Variants in CD48 observed in about 807,000 individuals in gnomAD.
CD48 encodes CD48 molecule.
Under a neutral mutation model 22.0 loss-of-function variants are expected in CD48, and 20 were observed. That is an observed-to-expected ratio of 0.91 (90% CI 0.64 to 1.32). The LOEUF (loss-of-function observed/expected upper bound fraction) is 1.32. CD48 is among the 40% of genes most tolerant of loss of function. CD48 has a pLI of 0.00. For synonymous variants in CD48, 110 were observed against 110.1 expected, an observed-to-expected ratio of 1.00 and a Z score of 0.01; for missense variants, 307 against 286.5, an observed-to-expected ratio of 1.07 and a Z score of -0.52.
At chr1:160,699,093 G>A (rs987663660) in intron 1 of CD48, 1 of 153,056 alleles carries the variant, frequency 6.5e-6, no homozygotes, top group African/African-American at 2.4e-5. Context: ...TGTCTGTATA[G>A]AAAGAAGTAG....
chr1:160,695,050 A>G (rs890204040), intron 1 of CD48, among the ~76,000 whole-genome samples: 1 of 152,180 alleles, frequency 6.6e-6, no homozygotes, highest in Non-Finnish European at 1.5e-5. Flanking sequence ...CTCTCCAGCC[A>G]TGATCCCAAA....
At chr1:160,690,571 A>T (rs352697) in intron 1 of CD48, among the ~76,000 whole-genome samples, 75,396 of 151,964 alleles carry the variant, frequency 0.5, 19,285 homozygotes, top group East Asian at 0.73. Context: ...GTCATTAAAG[A>T]CACCAAACAG....
chr1:160,681,705 C>T (rs757573471), intron 2 of CD48, among the ~76,000 whole-genome samples: 2 of 152,092 alleles, frequency 1.3e-5, no homozygotes, highest in Non-Finnish European at 2.9e-5. Context: ...GGAGGGGGCG[C>T]CACAGTCCAT....
At chr1:160,707,637 GC>G (rs1258754968) in intron 1 of CD48, among the ~76,000 whole-genome samples, 1 of 152,200 alleles carries the variant, frequency 6.6e-6, no homozygotes, top group Non-Finnish European at 1.5e-5. Flanking sequence ...GGAGGCACAT[GC>G]TTTGCTGAGA....
Position 160,679,413 on chromosome 1 carries a change from A to C in CD48, c.653-282T>G, listed in dbSNP as rs184483305. ...TGGCCTGGGAAAGCATTGCTCCCCT[A>C]CTCTGGACATCAACGAGGTAGGGTA... is the stretch of plus-strand genomic sequence containing the variant. On this transcript the variant is annotated intron_variant, in intron 3 of 3. Transcript: ENST00000368046. Among the ~76,000 whole-genome samples the C allele has an allele frequency of 4.5e-4, 68 of 152,254 alleles. 3 individuals are homozygous for C. The South Asian group carries it at 0.013, about 29-fold the overall frequency.
chr1:160,708,611 G>C (rs1402856109), intron 1 of CD48, among the ~76,000 whole-genome samples: 2 of 152,158 alleles, frequency 1.3e-5, no homozygotes, highest in African/African-American at 2.4e-5. Flanking sequence ...GCAAGGGAGA[G>C]AAAAGAAGCA....
chr1:160,700,132 T>C (rs73014168), intron 1 of CD48, among the ~76,000 whole-genome samples: 27 of 152,328 alleles, frequency 1.8e-4, no homozygotes, highest in Middle Eastern at 3.4e-3. Context: ...AGGACTTACA[T>C]AGCCAGCATT....
At chr1:160,685,560 T>G (rs1168972366) in intron 1 of CD48, among the ~76,000 whole-genome samples, 1 of 152,224 alleles carries the variant, frequency 6.6e-6, no homozygotes, top group Non-Finnish European at 1.5e-5. Flanking sequence ...CTGTCTATTC[T>G]CATTTCAGTA....
intron 1 of CD48, among the ~76,000 whole-genome samples, chr1:160,710,440 T>C (rs557029459): frequency 2.0e-5 from 3 of 152,270 alleles, no homozygotes; most frequent in Admixed American, 6.5e-5. Context: ...AAAACCAATA[T>C]TATCCATTCA....
intron 1 of CD48, 67 bp downstream of exon 1, chr1:160,711,615 G>A (rs575141743): frequency 5.9e-5 from 71 of 1,212,188 alleles, no homozygotes; most frequent in Admixed American, 5.4e-4. Context: ...ACTACATCCC[G>A]TCTCCCCTTT....
At position 160,681,483 on chromosome 1, in the gene CD48, G is replaced by A. The variant is rs376809677; in HGVS notation, c.386-15C>T. The A allele has an allele frequency of 7.4e-5, 119 of 1,610,496 alleles. No individual in the cohort carries two copies. Among genetic ancestry groups the A allele is most frequent in the Non-Finnish European group, 9.8e-5 (116 of 1,178,002 alleles). ...GGGTACAGGGTCTGAAAGTGAGGAGGATGTTATAAGATGAGACAGTGAGGC... is the reference window on the plus strand; with the variant it reads ...GGGTACAGGGTCTGAAAGTGAGGAGAATGTTATAAGATGAGACAGTGAGGC... On this transcript the variant is annotated splice_polypyrimidine_tract_variant and intron_variant, in intron 2 of 3. Transcript: ENST00000368046.
At chr1:160,690,277 CT>C (rs1241419782) in intron 1 of CD48, among the ~76,000 whole-genome samples, 4 of 152,194 alleles carry the variant, frequency 2.6e-5, no homozygotes, top group African/African-American at 4.8e-5. Context: ...GTGCCTTCCC[CT>C]GTTTGTCAAG....
At chr1:160,703,104 G>A (rs991621313) in intron 1 of CD48, among the ~76,000 whole-genome samples, 2 of 152,128 alleles carry the variant, frequency 1.3e-5, no homozygotes, top group African/African-American at 4.8e-5. Context: ...ATAAGCATCA[G>A]AGAAACTATC....
chr1:160,692,624 C>T (rs1019436352), intron 1 of CD48, among the ~76,000 whole-genome samples: 7 of 152,076 alleles, frequency 4.6e-5, no homozygotes, highest in African/African-American at 9.7e-5. Context: ...TACCCTCAGC[C>T]GCCCACTAGG....
chr1:160,706,707 G>A lies in CD48; in HGVS notation c.82+4975C>T, dbSNP rs912836294. ...ATTCTTTTACTTTCTTAATGAACTC[G>A]CTTTCACTTTTAAAAAAAAGAAGAA... On this transcript the variant is annotated intron_variant, in intron 1 of 3. Coordinates refer to ENST00000368046, the MANE Select transcript of CD48 (RefSeq NM_001778.4). Among the ~76,000 whole-genome samples, 7 of 152,018 alleles carry A rather than the reference G, an allele frequency of 4.6e-5. No homozygotes were observed. The South Asian group carries it at 6.2e-4, about 14-fold the overall frequency.
chr1:160,711,784 A>G lies in CD48; in HGVS notation c.-21T>C. On this transcript the variant is annotated 5_prime_UTR_variant, in exon 1 of 4. Coordinates refer to ENST00000368046, the MANE Select transcript of CD48 (RefSeq NM_001778.4). ...CACATGCTTCCTTCCAGAACTTCCC[A>G]GCAACGCAGGAGACAGTTGAGAGCC... 1 of 1,594,124 alleles carries G rather than the reference A, an allele frequency of 6.3e-7. No individual in the cohort carries two copies. Among genetic ancestry groups the G allele is most frequent in the South Asian group, 1.1e-5 (1 of 90,646 alleles).
In CD48 at chr1:160,684,543, A is replaced by G. The variant is rs148163170; in HGVS notation, c.385+344T>C. The G allele has an allele frequency of 1.4e-3, 831 of 578,376 alleles. 6 individuals are homozygous for G. The highest frequency in any genetic ancestry group is 0.013 in the African/African-American group (687 of 53,674). The allele number at this position is 578,376 out of a possible 1,614,324, so 35.8% of individuals were successfully genotyped here. ...TACATTCTCTTTTTTCTTAAGTCCA[A>G]TGAAGCCTAATTTCGGAGATATAAT... On this transcript the variant is annotated intron_variant, in intron 2 of 3. Transcript: ENST00000368046.
At position 160,685,140 on chromosome 1, in the gene CD48, G is replaced by T. The variant is rs1284507615; in HGVS notation, c.132C>A (p.Asn44Lys). Reference protein sequence around the residue: ...TVVSGSNVTLNISESLPENYK... With the variant: ...TVVSGSNVTLKISESLPENYK... ...AGTTCTCAGGCAGGCTCTCAGAGAT[G>T]TTCAGAGTCACGTTGCTGCCGGAGA... Residue 44 changes from asparagine (N) to lysine (K), a missense_variant, in exon 2 of 4, where the codon AAC becomes AAA. Coordinates refer to ENST00000368046, the MANE Select transcript of CD48 (RefSeq NM_001778.4). The T allele has an allele frequency of 6.2e-7, 1 of 1,612,824 alleles. No individual in the cohort carries two copies. The highest frequency in any genetic ancestry group is 8.5e-7 in the Non-Finnish European group (1 of 1,178,864).
At chr1:160,701,487 G>A (rs909920501) in intron 1 of CD48, among the ~76,000 whole-genome samples, 3 of 151,914 alleles carry the variant, frequency 2.0e-5, no homozygotes, top group Non-Finnish European at 2.9e-5. Context: ...GGATCAGGAG[G>A]TATGGCAGTG....
Sources: gnomAD v4.1 joint callset for allele counts (sites outside exome capture counted in the v4.1 genomes callset) on GRCh38, gnomAD v4.1.1 for gene constraint, MANE v1.5 for transcripts, NCBI Gene and HGNC (gene_info 2026-07-23, HGNC 2026-07-21) for gene names.